Variants in RUNDC3B observed in about 807,000 individuals in gnomAD.
The protein encoded by RUNDC3B is RUN domain containing 3B.
A neutral mutation model predicts 58.4 loss-of-function variants in RUNDC3B; 33 were observed. That is an observed-to-expected ratio of 0.56 (90% CI 0.43 to 0.75). The LOEUF (loss-of-function observed/expected upper bound fraction) is 0.75. Among genes scored for constraint, RUNDC3B ranks in the 30% least tolerant of loss-of-function variants. RUNDC3B has a pLI of 0.00. For synonymous variants in RUNDC3B, 193 were observed against 195.2 expected (o/e 0.99, Z 0.10); for missense variants, 501 against 535.7 (o/e 0.94, Z 0.64).
chr7:87,662,421 T>C (rs1824805496), intron 2 of RUNDC3B, among the ~76,000 whole-genome samples: 1 of 152,112 alleles, frequency 6.6e-6, no homozygotes, highest in African/African-American at 2.4e-5. Context: ...TTTGATTTGA[T>C]TTTTTGTATA....
rs1830791150 is a variant in RUNDC3B at position 87,720,179 on chromosome 7, A to G, written c.458+9524A>G. 2.0e-5 allele frequency among the ~76,000 whole-genome samples: 3 copies of G among 152,172 alleles called. No individual in the cohort carries two copies. The South Asian group carries it at 6.2e-4, about 32-fold the overall frequency. On this transcript the variant is annotated intron_variant, in intron 4 of 10. Coordinates refer to ENST00000394654, the MANE Select transcript of RUNDC3B (RefSeq NM_001134405.2). ...ATAGAAACATAAGGGCAGAGATGTA[A>G]ACTGACAACTCACAAGAATATGTCA...
chr7:87,709,523 C>T (rs898160420), intron 3 of RUNDC3B: 26 of 985,032 alleles, frequency 2.6e-5, no homozygotes, highest in Non-Finnish European at 3.0e-5. Flanking sequence ...TAAATTGACT[C>T]GCATGCTAAC....
chr7:87,803,549 C>G (rs1427582207), intron 8 of RUNDC3B, among the ~76,000 whole-genome samples: 1 of 152,082 alleles, frequency 6.6e-6, no homozygotes, highest in Admixed American at 6.6e-5. Flanking sequence ...GGAGATTCCT[C>G]AAGGATCTAG....
At chr7:87,631,964 G>A (rs1821267244) in intron 1 of RUNDC3B, among the ~76,000 whole-genome samples, 1 of 152,206 alleles carries the variant, frequency 6.6e-6, no homozygotes, top group Admixed American at 6.5e-5. Flanking sequence ...TTCCAAATAT[G>A]AGCAGGGTAA....
intron 3 of RUNDC3B, among the ~76,000 whole-genome samples, chr7:87,701,891 C>T (rs534524212): frequency 1.3e-5 from 2 of 151,968 alleles, no homozygotes; most frequent in Non-Finnish European, 2.9e-5. Flanking sequence ...CGCCTGTAAT[C>T]CCAGCACTTT....
chr7:87,769,323 G>T (rs1834146435), intron 6 of RUNDC3B, among the ~76,000 whole-genome samples: 3 of 152,008 alleles, frequency 2.0e-5, no homozygotes, highest in African/African-American at 7.2e-5. Context: ...TTATATAATT[G>T]TCTTAACTGG....
chr7:87,749,536 A>T (rs1832839880), intron 6 of RUNDC3B, among the ~76,000 whole-genome samples: 1 of 152,210 alleles, frequency 6.6e-6, no homozygotes, highest in Non-Finnish European at 1.5e-5. Flanking sequence ...AGAAAAATTT[A>T]AACTATCTTA....
At chr7:87,828,932 G>T (rs1204780856) in intron 10 of RUNDC3B, among the ~76,000 whole-genome samples, 1 of 152,116 alleles carries the variant, frequency 6.6e-6, no homozygotes, top group Non-Finnish European at 1.5e-5. Context: ...TAAAATATCA[G>T]ATTGTAAACC....
intron 6 of RUNDC3B, among the ~76,000 whole-genome samples, chr7:87,761,989 G>A (rs1028534442): frequency 6.6e-5 from 10 of 151,532 alleles, no homozygotes; most frequent in African/African-American, 2.4e-4. Flanking sequence ...TTCTTGTTTT[G>A]GGGCTTGATC....
In RUNDC3B at chr7:87,628,962, C is replaced by G. The variant is rs1222991605; in HGVS notation, c.122+17C>G. The G allele has an allele frequency of 7.6e-7, 1 of 1,307,646 alleles. No homozygotes were observed. The highest frequency in any genetic ancestry group is 1.5e-5 in the African/African-American group (1 of 66,330). 81.0% of individuals were successfully genotyped at this position (1,307,646 alleles called of 1,614,324 possible). A position where few individuals can be genotyped will look rare whatever the true frequency, so the allele number is the denominator to read the frequency against. ...CGTGTGCAGGTACGGCAGCGCAGGG[C>G]GAGGGGAACCAGCCTCCCGCCGGGG... On this transcript the variant is annotated intron_variant, in intron 1 of 10. Transcript: ENST00000394654.
Position 87,831,121 on chromosome 7 carries a change from A to C in RUNDC3B, c.*1091A>C, listed in dbSNP as rs1274228190. 1.4e-5 allele frequency: 2 copies of C among 147,492 alleles called. No homozygotes were observed. Among genetic ancestry groups the C allele is most frequent in the Non-Finnish European group, 3.0e-5 (2 of 66,606 alleles). 9.1% of individuals were successfully genotyped at this position (147,492 alleles called of 1,614,324 possible). Reference sequence around the variant, plus strand: ...GTAATCTGTACTTTTTTTTTTTTGCAATTTTTGAAACAGCTACATTAATCC... The same window carrying C: ...GTAATCTGTACTTTTTTTTTTTTGCCATTTTTGAAACAGCTACATTAATCC... On this transcript the variant is annotated 3_prime_UTR_variant, in exon 11 of 11. Transcript: ENST00000394654.
chr7:87,678,942 A>C (rs973111675), intron 2 of RUNDC3B, among the ~76,000 whole-genome samples: 1 of 152,202 alleles, frequency 6.6e-6, no homozygotes, highest in African/African-American at 2.4e-5. Context: ...AACAGAACTG[A>C]GAGGAGAAAA....
At chr7:87,732,183 A>G (rs1563169247) in intron 4 of RUNDC3B, among the ~76,000 whole-genome samples, 1 of 152,212 alleles carries the variant, frequency 6.6e-6, no homozygotes, top group African/African-American at 2.4e-5. Context: ...GCAAAATTTA[A>G]GAAGAAAATT....
At chr7:87,823,937 C>G (rs1033184084) in intron 10 of RUNDC3B, among the ~76,000 whole-genome samples, 1 of 151,858 alleles carries the variant, frequency 6.6e-6, no homozygotes, top group Non-Finnish European at 1.5e-5. Flanking sequence ...TTTAAAAAAT[C>G]ACATAAATTG....
chr7:87,761,653 G>T (rs958038969), intron 6 of RUNDC3B, among the ~76,000 whole-genome samples: 1 of 151,882 alleles, frequency 6.6e-6, no homozygotes, highest in Non-Finnish European at 1.5e-5. Context: ...GGGATGAAGC[G>T]TTGATACCTA....
intron 2 of RUNDC3B, among the ~76,000 whole-genome samples, chr7:87,663,036 A>G (rs2130462962): frequency 6.6e-6 from 1 of 152,056 alleles, no homozygotes; most frequent in South Asian, 2.1e-4. Context: ...TTTCTTTTTC[A>G]GATTGTTCAC....
intron 2 of RUNDC3B, chr7:87,693,855 A>G (rs986662123): frequency 8.3e-6 from 13 of 1,572,402 alleles, no homozygotes; most frequent in Non-Finnish European, 1.0e-5. Context: ...TGTAAACATG[A>G]TGGCAGGTTT....
At chr7:87,724,033 G>A (rs1831064676) in intron 4 of RUNDC3B, among the ~76,000 whole-genome samples, 2 of 152,116 alleles carry the variant, frequency 1.3e-5, no homozygotes, top group Admixed American at 1.3e-4. Context: ...ACCAGCCTGG[G>A]CAACATAGTG....
At chr7:87,715,532 T>A (rs1830511153) in intron 4 of RUNDC3B, among the ~76,000 whole-genome samples, 1 of 137,304 alleles carries the variant, frequency 7.3e-6, no homozygotes, top group Admixed American at 8.0e-5. Flanking sequence ...ATATAACATT[T>A]AATATATAAT....
Sources: gnomAD v4.1 joint callset for allele counts (sites outside exome capture counted in the v4.1 genomes callset) on GRCh38, gnomAD v4.1.1 for gene constraint, MANE v1.5 for transcripts, NCBI Gene and HGNC (gene_info 2026-07-23, HGNC 2026-07-21) for gene names.